Variants in STXBP4 observed in about 807,000 individuals in gnomAD.
STXBP4 encodes the protein syntaxin-binding protein 4.
STXBP4 carries 55 observed loss-of-function variants against 76.1 expected under a neutral mutation model. That is an observed-to-expected ratio of 0.72 (90% CI 0.58 to 0.91). STXBP4 has a LOEUF of 0.91. Among genes scored for constraint, STXBP4 ranks in the 40% least tolerant of loss-of-function variants. The pLI is 0.00. For missense variants in STXBP4, 618 were observed against 636.9 expected, an observed-to-expected ratio of 0.97 and a Z score of 0.32; for synonymous variants, 201 against 220.2, an observed-to-expected ratio of 0.91 and a Z score of 0.77.
At chr17:55,076,310 T>G (rs555715091) in intron 13 of STXBP4, among the ~76,000 whole-genome samples, 1 of 152,304 alleles carries the variant, frequency 6.6e-6, no homozygotes, top group Non-Finnish European at 1.5e-5. Context: ...TAAGCATTCT[T>G]ACATCTCAGA....
At chr17:55,072,791 A>G in intron 12 of STXBP4, 109 bp from the exon 13 acceptor site, 1 of 791,184 alleles carries the variant, frequency 1.3e-6, no homozygotes, top group Non-Finnish European at 1.9e-6. Flanking sequence ...TAATATATGT[A>G]TATTGACTTT....
chr17:55,158,251 T>C (rs2080302532), intron 17 of STXBP4, among the ~76,000 whole-genome samples: 1 of 152,188 alleles, frequency 6.6e-6, no homozygotes, highest in Admixed American at 6.5e-5. Flanking sequence ...ATAACATTTA[T>C]TTAAAACTCT....
At chr17:54,996,224 A>T (rs1315694429) in intron 4 of STXBP4, among the ~76,000 whole-genome samples, 2 of 149,976 alleles carry the variant, frequency 1.3e-5, no homozygotes, top group African/African-American at 4.9e-5. Context: ...TTTATTGCAG[A>T]GAAGTGGCAG....
intron 8 of STXBP4, among the ~76,000 whole-genome samples, chr17:55,014,153 G>T (rs938095140): frequency 1.1e-4 from 17 of 152,104 alleles, no homozygotes; most frequent in African/African-American, 4.1e-4. Flanking sequence ...TCCTTGTTGG[G>T]CCTTGGTTCT....
At chr17:55,174,045 A>G (rs993710667), downstream of STXBP4, among the ~76,000 whole-genome samples, 2 of 152,176 alleles carry the variant, frequency 1.3e-5, no homozygotes, top group African/African-American at 2.4e-5. Flanking sequence ...CTCTGACCCA[A>G]CCATGAAAGG....
In STXBP4 at chr17:55,167,414, G is replaced by A. The variant is rs1330842770; in HGVS notation, c.*7503G>A. On this transcript the variant is annotated 3_prime_UTR_variant, in exon 18 of 18. Coordinates refer to ENST00000376352, the MANE Select transcript of STXBP4 (RefSeq NM_178509.6). ...TGAATTAAGAAGGAAATGAGGTGGG[G>A]GTTTAAGTAAGCATGTCTGTACTAA... The A allele has an allele frequency of 1.3e-5, 2 of 152,182 alleles. No homozygotes were observed. Among genetic ancestry groups the A allele is most frequent in the African/African-American group, 4.8e-5 (2 of 41,434 alleles). 9.4% of individuals were successfully genotyped at this position (152,182 alleles called of 1,614,324 possible). A position where few individuals can be genotyped will look rare whatever the true frequency, so the allele number is the denominator to read the frequency against.
At chr17:55,054,899 G>A (rs2078905409) in intron 12 of STXBP4, among the ~76,000 whole-genome samples, 2 of 152,106 alleles carry the variant, frequency 1.3e-5, no homozygotes, top group Admixed American at 6.6e-5. Flanking sequence ...ACACAGAAAG[G>A]CAGAGCATTT....
intron 9 of STXBP4, among the ~76,000 whole-genome samples, chr17:55,033,188 A>G (rs1251807131): frequency 2.0e-5 from 3 of 152,112 alleles, no homozygotes; most frequent in East Asian, 1.9e-4. Context: ...AGCCTGGCCA[A>G]TATGGTGAAA....
chr17:55,157,551 A>T (rs7211787), intron 17 of STXBP4, among the ~76,000 whole-genome samples: 31,571 of 152,172 alleles, frequency 0.21, 3,930 homozygotes, highest in Non-Finnish European at 0.29. Context: ...TTCTTTGTAC[A>T]CTAAACCACA....
intron 10 of STXBP4, among the ~76,000 whole-genome samples, chr17:55,042,018 G>C (rs2078707509): frequency 6.6e-6 from 1 of 152,130 alleles, no homozygotes; most frequent in Admixed American, 6.6e-5. Flanking sequence ...AAAGAATGTA[G>C]ATCATGTAAA....
intron 3 of STXBP4, among the ~76,000 whole-genome samples, chr17:54,986,739 TA>T (rs887769657): frequency 2.4e-4 from 37 of 152,282 alleles, no homozygotes; most frequent in Admixed American, 1.2e-3. Flanking sequence ...ATAATTCCAT[TA>T]AAAAAATTTG....
intron 14 of STXBP4, 134 bp from the exon 15 acceptor site, chr17:55,078,552 T>C: frequency 1.7e-6 from 1 of 605,060 alleles, no homozygotes; most frequent in Non-Finnish European, 2.9e-6. Context: ...GTTCAATTGT[T>C]TGCACCCCCG....
intron 12 of STXBP4, among the ~76,000 whole-genome samples, chr17:55,056,981 C>A (rs896154218): frequency 4.6e-5 from 7 of 152,168 alleles, no homozygotes; most frequent in African/African-American, 1.7e-4. Context: ...TAATTAAGAT[C>A]TGCATATTAG....
chr17:55,165,804 A>T lies in STXBP4; in HGVS notation c.*5893A>T, dbSNP rs1272253011. On this transcript the variant is annotated 3_prime_UTR_variant, in exon 18 of 18. Coordinates refer to ENST00000376352, the MANE Select transcript of STXBP4 (RefSeq NM_178509.6). Reference sequence around the variant, plus strand: ...ACCCTTATGAAAGAGGCTTCAGGGAACCTGTTTGCCCCTTCTGCCTTGTGA... The same window carrying T: ...ACCCTTATGAAAGAGGCTTCAGGGATCCTGTTTGCCCCTTCTGCCTTGTGA... 6.6e-6 allele frequency: 1 copy of T among 152,232 alleles called. No homozygotes were observed. Among genetic ancestry groups the T allele is most frequent in the African/African-American group, 2.4e-5 (1 of 41,444 alleles). 9.4% of individuals were successfully genotyped at this position (152,232 alleles called of 1,614,324 possible).
chr17:55,120,596 CATTA>C (rs2079833079), intron 16 of STXBP4, among the ~76,000 whole-genome samples: 1 of 152,214 alleles, frequency 6.6e-6, no homozygotes, highest in Admixed American at 6.5e-5. Flanking sequence ...AGTTTACCAT[CATTA>C]CAAACAGAGC....
chr17:55,049,464 TA>T (rs1598265044), intron 12 of STXBP4, among the ~76,000 whole-genome samples: 3 of 151,920 alleles, frequency 2.0e-5, no homozygotes, highest in African/African-American at 7.2e-5. Flanking sequence ...GAAAACAGAA[TA>T]CATCATTTTG....
intron 1 of STXBP4, among the ~76,000 whole-genome samples, chr17:54,984,735 T>C (rs1328014458): frequency 1.3e-5 from 2 of 152,276 alleles, no homozygotes; most frequent in Admixed American, 1.3e-4. Context: ...TGCTGATATA[T>C]TGATTCTCCT....
chr17:55,013,063 T>G (rs557267725), intron 8 of STXBP4, among the ~76,000 whole-genome samples: 1 of 152,288 alleles, frequency 6.6e-6, no homozygotes, highest in South Asian at 2.1e-4. Context: ...TCATGAGATG[T>G]CCACACAGTA....
In STXBP4 at chr17:55,094,550, C is replaced by T. The variant is rs181348823; in HGVS notation, c.1489+13367C>T. Among the ~76,000 whole-genome samples the T allele has an allele frequency of 3.0e-4, 46 of 152,172 alleles. No individual in the cohort carries two copies. The East Asian group carries it at 5.4e-3, about 18-fold the overall frequency. On this transcript the variant is annotated intron_variant, in intron 16 of 17. Transcript: ENST00000376352. ...TGTCAGCATGTATAACTTTTTGGAA[C>T]GCCTGAAATTCGGTGTTAATTTTTA...
Sources: gnomAD v4.1 joint callset for allele counts (sites outside exome capture counted in the v4.1 genomes callset) on GRCh38, gnomAD v4.1.1 for gene constraint, MANE v1.5 for transcripts, NCBI Gene and HGNC (gene_info 2026-07-23, HGNC 2026-07-21) for gene names.